The following KCNQ5 variants were observed in gnomAD, a reference collection of about 807,000 sequenced individuals.
The protein encoded by KCNQ5 is potassium voltage-gated channel subfamily Q member 5, also known as potassium voltage-gated channel subfamily KQT member 5.
In KCNQ5, 30 loss-of-function variants were observed where a neutral mutation model predicts 98.2. The observed-to-expected ratio is 0.31, with a 90% confidence interval of 0.23 to 0.41. The LOEUF is 0.41. Among genes scored for constraint, KCNQ5 ranks in the 10% least tolerant of loss-of-function variants. The probability of loss-of-function intolerance (pLI) is 1.00; values close to 1 mark genes in which losing one functional copy is unlikely to be tolerated. For synonymous variants in KCNQ5, 458 were observed against 449.4 expected, an observed-to-expected ratio of 1.02 and a Z score of -0.24; for missense variants, 835 against 1,182.5, an observed-to-expected ratio of 0.71 and a Z score of 4.31.
intron 7 of KCNQ5, among the ~76,000 whole-genome samples, chr6:73,113,953 C>T (rs1341226664): frequency 6.6e-6 from 1 of 152,098 alleles, no homozygotes; most frequent in East Asian, 1.9e-4. Flanking sequence ...TTGTTCTTAA[C>T]AAAAATAATG....
intron 1 of KCNQ5, among the ~76,000 whole-genome samples, chr6:72,653,769 G>C (rs745870373): frequency 3.9e-5 from 6 of 151,924 alleles, no homozygotes; most frequent in Non-Finnish European, 7.4e-5. Flanking sequence ...ATATTTATTA[G>C]AGAAACTGTT....
intron 1 of KCNQ5, among the ~76,000 whole-genome samples, chr6:72,764,240 A>G (rs1772443279): frequency 6.6e-6 from 1 of 152,038 alleles, no homozygotes; most frequent in African/African-American, 2.4e-5. Context: ...TTGGAACAAC[A>G]AAAACAAAAA....
chr6:72,796,452 A>G (rs1414553644), intron 1 of KCNQ5, among the ~76,000 whole-genome samples: 1 of 152,112 alleles, frequency 6.6e-6, no homozygotes, highest in Non-Finnish European at 1.5e-5. Context: ...GGTTACCTCA[A>G]TTCATTAGAG....
intron 1 of KCNQ5, among the ~76,000 whole-genome samples, chr6:72,731,907 GAATAA>G (rs1207521462): frequency 1.3e-5 from 2 of 152,158 alleles, no homozygotes; most frequent in Non-Finnish European, 2.9e-5. Flanking sequence ...ATAGGAAAGT[GAATAA>G]AATGAGTACA....
chr6:72,908,648 C>G (rs1779796814), intron 1 of KCNQ5, among the ~76,000 whole-genome samples: 1 of 151,980 alleles, frequency 6.6e-6, no homozygotes, highest in Non-Finnish European at 1.5e-5. Flanking sequence ...ATTAAGAAAA[C>G]CTTTTTGGAA....
chr6:73,184,264 T>C (rs1310501527), intron 11 of KCNQ5, among the ~76,000 whole-genome samples: 1 of 152,248 alleles, frequency 6.6e-6, no homozygotes, highest in Non-Finnish European at 1.5e-5. Flanking sequence ...AAAAGAAAAT[T>C]ATGTTTTCAT....
chr6:72,735,128 G>C (rs943962230), intron 1 of KCNQ5, among the ~76,000 whole-genome samples: 4 of 152,124 alleles, frequency 2.6e-5, no homozygotes, highest in Admixed American at 6.5e-5. Flanking sequence ...CTTGCTGTTG[G>C]ATAACTTGGT....
chr6:73,049,802 G>T (rs1772135666), intron 3 of KCNQ5, among the ~76,000 whole-genome samples: 1 of 152,052 alleles, frequency 6.6e-6, no homozygotes, highest in Non-Finnish European at 1.5e-5. Context: ...AAGTAAAGGG[G>T]TTCCACTTGA....
Position 72,746,362 on chromosome 6 carries a change from C to T in KCNQ5, c.398+123775C>T, listed in dbSNP as rs186014952. Among the ~76,000 whole-genome samples the T allele has an allele frequency of 6.4e-4, 98 of 152,116 alleles. No homozygotes were observed. In the East Asian group the frequency reaches 0.017, roughly 26 times the overall value. ...GCCCCAAGACCTGGTTTCTTGATAC[C>T]CAGTCTTCTCTTTCTCATGATTTTC... On this transcript the variant is annotated intron_variant, in intron 1 of 13. Coordinates refer to ENST00000370398, the MANE Select transcript of KCNQ5 (RefSeq NM_019842.4).
At chr6:73,163,605 G>A (rs1439612774) in intron 10 of KCNQ5, among the ~76,000 whole-genome samples, 1 of 152,116 alleles carries the variant, frequency 6.6e-6, no homozygotes, top group Non-Finnish European at 1.5e-5. Context: ...AAAATTAGCT[G>A]GGCATGGTGG....
At chr6:72,997,559 AG>A (rs2150316577) in intron 1 of KCNQ5, among the ~76,000 whole-genome samples, 1 of 151,322 alleles carries the variant, frequency 6.6e-6, no homozygotes, top group Non-Finnish European at 1.5e-5. Flanking sequence ...GCGGATCACG[AG>A]GTCAGAAGAT....
chr6:73,029,513 C>G (rs1771037504), intron 2 of KCNQ5, among the ~76,000 whole-genome samples: 1 of 142,024 alleles, frequency 7.0e-6, no homozygotes, highest in African/African-American at 2.5e-5. Context: ...TTTTTTTAAG[C>G]CGGTATAGAA....
intron 1 of KCNQ5, among the ~76,000 whole-genome samples, chr6:72,820,170 C>T (rs1022234234): frequency 6.6e-6 from 1 of 152,194 alleles, no homozygotes; most frequent in African/African-American, 2.4e-5. Flanking sequence ...GTCAGCTTCT[C>T]TTGTCATAGT....
At chr6:72,651,916 A>G (rs532213338) in intron 1 of KCNQ5, among the ~76,000 whole-genome samples, 4 of 152,192 alleles carry the variant, frequency 2.6e-5, no homozygotes, top group Middle Eastern at 6.8e-3. Flanking sequence ...CTTATACTCA[A>G]AAAGAATCTT....
At chr6:73,141,165 G>A (rs779924091) in intron 10 of KCNQ5, among the ~76,000 whole-genome samples, 19 of 152,212 alleles carry the variant, frequency 1.2e-4, no homozygotes, top group Admixed American at 6.5e-5. Context: ...GGAAGATTCT[G>A]TGTCTGGAGA....
At chr6:72,641,016 T>C (rs1196125159) in intron 1 of KCNQ5, 1 of 152,214 alleles carries the variant, frequency 6.6e-6, no homozygotes, top group African/African-American at 2.4e-5. Flanking sequence ...AAACTTCTAA[T>C]AGCTGGCAAA....
At position 72,912,306 on chromosome 6, in the gene KCNQ5, G is replaced by A. The variant is rs114581021; in HGVS notation, c.399-91602G>A. The stretch of plus-strand genomic sequence containing the variant: ...GGGCATATTAATTCATAACTTTTTC[G>A]TAGTAAGCATCGATGGATTAGATCT... On this transcript the variant is annotated intron_variant, in intron 1 of 13. Coordinates refer to ENST00000370398, the MANE Select transcript of KCNQ5 (RefSeq NM_019842.4). Among the ~76,000 whole-genome samples, 918 of 152,142 alleles carry A rather than the reference G, an allele frequency of 6.0e-3. 4 individuals carry two copies. Among genetic ancestry groups the A allele is most frequent in the East Asian group, 0.021 (107 of 5,174 alleles).
At chr6:72,916,113 G>A (rs915948563) in intron 1 of KCNQ5, among the ~76,000 whole-genome samples, 5 of 152,082 alleles carry the variant, frequency 3.3e-5, no homozygotes, top group Non-Finnish European at 7.4e-5. Context: ...CATTTTTAAT[G>A]GTAAATTATT....
At chr6:73,043,489 A>G (rs1173145168) in intron 3 of KCNQ5, among the ~76,000 whole-genome samples, 2 of 152,228 alleles carry the variant, frequency 1.3e-5, no homozygotes, top group African/African-American at 4.8e-5. Flanking sequence ...ATATTAGTGA[A>G]GGCATTAGAT....
Sources: gnomAD v4.1 joint callset for allele counts (sites outside exome capture counted in the v4.1 genomes callset) on GRCh38, gnomAD v4.1.1 for gene constraint, MANE v1.5 for transcripts, NCBI Gene and HGNC (gene_info 2026-07-23, HGNC 2026-07-21) for gene names.